DNAH10: variants seen among roughly 807,000 people sequenced by gnomAD.
DNAH10 encodes the protein axonemal beta dynein heavy chain 10.
Under a neutral mutation model 506.6 loss-of-function variants are expected in DNAH10, and 348 were observed. The ratio of observed to expected loss-of-function variants is 0.69; its 90% confidence interval spans 0.63 to 0.75. The LOEUF (loss-of-function observed/expected upper bound fraction) is 0.75. Among genes scored for constraint, DNAH10 ranks in the 30% least tolerant of loss-of-function variants. DNAH10 has a pLI of 0.00. For synonymous variants in DNAH10, 2,059 were observed against 2,198.6 expected, an observed-to-expected ratio of 0.94 and a Z score of 1.78; for missense variants, 5,179 against 5,787.1, an observed-to-expected ratio of 0.89 and a Z score of 3.41.
At chr12:123,836,157 T>G (rs1961108485) in intron 28 of DNAH10, among the ~76,000 whole-genome samples, 1 of 152,256 alleles carries the variant, frequency 6.6e-6, no homozygotes, top group Non-Finnish European at 1.5e-5. Flanking sequence ...TATATTCCTT[T>G]TATCTTTTTC....
rs1229304166 is a variant in DNAH10, at chr12:123,928,171, G to A, written c.12106-216G>A. 4 of 606,222 alleles carry A rather than the reference G, an allele frequency of 6.6e-6. No individual in the cohort carries two copies. Among genetic ancestry groups the A allele is most frequent in the African/African-American group, 1.9e-5 (1 of 53,972 alleles). 37.6% of individuals were successfully genotyped at this position (606,222 alleles called of 1,614,324 possible). A position where few individuals can be genotyped will look rare whatever the true frequency, so the allele number is the denominator to read the frequency against. ...TGCAAAATGCTCACCCATCTTCCAG[G>A]CTGGGTGTGACCAGCTCAGTGCACC... On this transcript the variant is annotated intron_variant, in intron 69 of 78. Transcript: ENST00000673944. This position sits in a 1 kb window ranked among gnomAD's most constrained non-coding sequence, Gnocchi z 4.9.
intron 21 of DNAH10, among the ~76,000 whole-genome samples, chr12:123,817,452 T>A (rs1050333389): frequency 1.3e-5 from 2 of 152,202 alleles, no homozygotes; most frequent in African/African-American, 4.8e-5. Flanking sequence ...TATTTATTTA[T>A]GTCTGATCTG....
At position 123,916,811 on chromosome 12, in the gene DNAH10, A is replaced by G; in HGVS notation, c.11002+75A>G. The G allele has an allele frequency of 6.7e-7, 1 of 1,498,994 alleles. No individual in the cohort carries two copies. Among genetic ancestry groups the G allele is most frequent in the Non-Finnish European group, 8.9e-7 (1 of 1,123,076 alleles). The allele number at this position is 1,498,994 out of a possible 1,614,324, so 92.9% of individuals were successfully genotyped here. ...ACCGCAACCTCAGATCAAGGCATTC[A>G]TGGGACATCATTTCACTCAGTGACC... is the stretch of plus-strand genomic sequence containing the variant. On this transcript the variant is annotated intron_variant, in intron 63 of 78. Coordinates refer to ENST00000673944, the MANE Select transcript of DNAH10 (RefSeq NM_001372106.1). This position sits in a 1 kb window ranked among gnomAD's most constrained non-coding sequence, Gnocchi z 4.6.
intron 27 of DNAH10, among the ~76,000 whole-genome samples, chr12:123,833,909 G>A (rs1960844760): frequency 2.0e-5 from 3 of 152,136 alleles, no homozygotes; most frequent in African/African-American, 7.2e-5. Context: ...GTGGTTTGGG[G>A]CTTTCTTCCT....
chr12:123,881,802 G>A lies in DNAH10; in HGVS notation c.8812G>A (p.Ala2938Thr). The change falls in exon 51 of 79, where the codon GCC (alanine) becomes ACC (threonine). Residue 2938 changes from alanine to threonine, a missense_variant. Around this residue, in one of 3 missense-constraint regions of DNAH10, gnomAD observed 4,844 missense variants for 5,430.5 expected, o/e 0.89. Transcript: ENST00000673944. Reference sequence around the variant, plus strand: ...TCTTTCGAGGCTGGCTGCCTTCACAGCCAGCTGTGAGGTCAGTCCACGTAC... The same window carrying A: ...TCTTTCGAGGCTGGCTGCCTTCACAACCAGCTGTGAGGTCAGTCCACGTAC... ...QSLSRLAAFT[A>T]SCEVFEILLS... 6.6e-7 allele frequency: 1 copy of A among 1,512,550 alleles called. No homozygotes were observed. The highest frequency in any genetic ancestry group is 8.8e-7 in the Non-Finnish European group (1 of 1,130,578). 93.7% of individuals were successfully genotyped at this position (1,512,550 alleles called of 1,614,324 possible). A position where few individuals can be genotyped will look rare whatever the true frequency, so the allele number is the denominator to read the frequency against.
intron 2 of DNAH10, among the ~76,000 whole-genome samples, chr12:123,769,249 G>A (rs965300755): frequency 6.6e-6 from 1 of 151,748 alleles, no homozygotes; most frequent in African/African-American, 2.4e-5. Flanking sequence ...GGGTTCAAGC[G>A]ATTCTCCTGC....
rs376141626 is a variant in DNAH10 at position 123,914,567 on chromosome 12, G to T, written c.10574+17G>T. On this transcript the variant is annotated intron_variant, in intron 61 of 78. Transcript: ENST00000673944. Reference sequence around the variant, plus strand: ...GATCAGCAGGTGTGTGGCACCCTGAGCCAGCAGGAGGGAGGGGACACCTTA... The same window carrying T: ...GATCAGCAGGTGTGTGGCACCCTGATCCAGCAGGAGGGAGGGGACACCTTA... The T allele has an allele frequency of 8.1e-6, 13 of 1,608,280 alleles. No homozygotes were observed. The highest frequency in any genetic ancestry group is 9.3e-6 in the Non-Finnish European group (11 of 1,177,382).
At chr12:123,768,840 G>A (rs551795053) in intron 2 of DNAH10, among the ~76,000 whole-genome samples, 1 of 152,186 alleles carries the variant, frequency 6.6e-6, no homozygotes, top group Non-Finnish European at 1.5e-5. Flanking sequence ...CTAGGCTCAA[G>A]CAATCCTCCT....
intron 29 of DNAH10, 89 bp downstream of exon 29, chr12:123,838,778 C>G: frequency 8.1e-7 from 1 of 1,230,720 alleles, no homozygotes; most frequent in East Asian, 2.3e-5. Context: ...GAGGTTCAAC[C>G]CAGAGGGTTA....
intron 39 of DNAH10, 52 bp downstream of exon 39, chr12:123,861,222 C>A: frequency 6.3e-7 from 1 of 1,584,888 alleles, no homozygotes. Context: ...TGTTAATTAG[C>A]TCAACATTAA....
chr12:123,799,143 A>G (rs914455971), intron 13 of DNAH10, 103 bp from the exon 14 acceptor site: 1 of 695,300 alleles, frequency 1.4e-6, no homozygotes, highest in African/African-American at 1.9e-5. Flanking sequence ...GTTTATAATA[A>G]TTTATATATT....
In DNAH10 at chr12:123,898,642, T is replaced by C; in HGVS notation, c.9479-11T>C. 1 of 1,521,892 alleles carries C rather than the reference T, an allele frequency of 6.6e-7. No individual in the cohort carries two copies. The highest frequency in any genetic ancestry group is 1.4e-5 in the African/African-American group (1 of 71,810). 94.3% of individuals were successfully genotyped at this position (1,521,892 alleles called of 1,614,324 possible). Reference sequence around the variant, plus strand: ...ACCTCGACGATGAACATAGGTGCCCTCTTTCCTCAGCTCAGTGCAAGCGTC... The same window carrying C: ...ACCTCGACGATGAACATAGGTGCCCCCTTTCCTCAGCTCAGTGCAAGCGTC... On this transcript the variant is annotated splice_polypyrimidine_tract_variant and intron_variant, in intron 55 of 78. Transcript: ENST00000673944.
At chr12:123,838,366 G>A in intron 28 of DNAH10, 90 bp from the exon 29 acceptor site, 3 of 1,171,890 alleles carry the variant, frequency 2.6e-6, no homozygotes, top group Non-Finnish European at 3.6e-6. Context: ...CCGTGCCTGG[G>A]CTCTGGTGAG....
intron 24 of DNAH10, among the ~76,000 whole-genome samples, chr12:123,822,184 G>T (rs1338068346): frequency 6.6e-6 from 1 of 152,208 alleles, no homozygotes; most frequent in East Asian, 1.9e-4. Flanking sequence ...TCCAGCCTGG[G>T]TGACAGAGTG....
At position 123,819,199 on chromosome 12, in the gene DNAH10, A is replaced by G. The variant is rs1372246811; in HGVS notation, c.3949A>G (p.Lys1317Glu). ...NYRVQIEEFA[K>E]RFYSEGPGSV... is the part of the protein sequence containing the mutation. ...CAGAGTTCAGATAGAGGAGTTTGCA[A>G]AGCGTTTTTACAGTGAAGGCCCTGG... is the stretch of plus-strand genomic sequence containing the variant. The change falls in exon 23 of 79, where the codon AAG (lysine) becomes GAG (glutamate). Residue 1317 changes from lysine (K) to glutamate (E), a missense_variant. This residue lies in a region of DNAH10 where 4,844 missense variants were observed against 5,430.5 expected (regional missense o/e 0.89). Coordinates refer to ENST00000673944, the MANE Select transcript of DNAH10 (RefSeq NM_001372106.1). 7 of 1,613,608 alleles carry G rather than the reference A, an allele frequency of 4.3e-6. No homozygotes were observed. Among genetic ancestry groups the G allele is most frequent in the African/African-American group, 2.7e-5 (2 of 75,028 alleles).
chr12:123,835,947 C>T (rs79296322), intron 28 of DNAH10, among the ~76,000 whole-genome samples: 3,955 of 152,234 alleles, frequency 0.026, 126 homozygotes, highest in African/African-American at 0.073. Flanking sequence ...CTGAATTTTT[C>T]GTGTCATTAT....
Position 123,909,927 on chromosome 12 carries a change from G to C in DNAH10, c.9997+485G>C, listed in dbSNP as rs975405923. ...GCCTCTCCTCCATCTTTGGTTATAG[G>C]ACTGAGTTCCCCTTGAGCTCAGTTC... On this transcript the variant is annotated intron_variant, in intron 58 of 78. Transcript: ENST00000673944. This position sits in a 1 kb window ranked among gnomAD's most constrained non-coding sequence, Gnocchi z 5.4. 3.3e-5 allele frequency among the ~76,000 whole-genome samples: 5 copies of C among 152,184 alleles called. No individual in the cohort carries two copies. Among genetic ancestry groups the C allele is most frequent in the African/African-American group, 1.2e-4 (5 of 41,456 alleles).
At chr12:123,933,934 T>C in intron 77 of DNAH10, 1 of 446,124 alleles carries the variant, frequency 2.2e-6, no homozygotes, top group Admixed American at 3.8e-5. Context: ...TCAGGTCCCT[T>C]AGACATTGGT....
intron 35 of DNAH10, among the ~76,000 whole-genome samples, chr12:123,852,852 G>T (rs1280288956): frequency 6.6e-6 from 1 of 152,170 alleles, no homozygotes; most frequent in Admixed American, 6.5e-5. Flanking sequence ...GGGATTACAG[G>T]CATGAACAAC....
Sources: gnomAD v4.1 joint callset for allele counts (sites outside exome capture counted in the v4.1 genomes callset) on GRCh38, gnomAD v4.1.1 for gene constraint, gnomAD v4.1.1 regional missense constraint, Gnocchi (gnomAD v3.1) non-coding constraint, MANE v1.5 for transcripts, NCBI Gene and HGNC (gene_info 2026-07-23, HGNC 2026-07-21) for gene names.